Variants in CELF2 observed in about 807,000 individuals in gnomAD.
CELF2 encodes CUG triplet repeat RNA-binding protein 2.
Under a neutral mutation model 62.6 loss-of-function variants are expected in CELF2, and 8 were observed. The observed-to-expected ratio is 0.13, with a 90% confidence interval of 0.07 to 0.23. CELF2 has a LOEUF of 0.23. Ranked by LOEUF, CELF2 falls within the 10% of genes least tolerant of loss-of-function variation. CELF2 has a pLI of 1.00. For synonymous variants in CELF2, 258 were observed against 250.0 expected, an observed-to-expected ratio of 1.03 and a Z score of -0.30; for missense variants, 333 against 671.0, an observed-to-expected ratio of 0.50 and a Z score of 5.56.
the CELF2 span, among the ~76,000 whole-genome samples, chr10:10,589,193 C>T: frequency 6.6e-6 from 1 of 152,290 alleles, no homozygotes; most frequent in African/African-American, 2.4e-5. Flanking sequence ...CAAAGATTTT[C>T]CGCTGGGCAA....
At chr10:10,601,946 G>A in the CELF2 span, among the ~76,000 whole-genome samples, 1 of 151,570 alleles carries the variant, frequency 6.6e-6, no homozygotes, top group African/African-American at 2.4e-5. Flanking sequence ...GTGTCCATGT[G>A]TTCTCATTGT....
At chr10:10,536,801 G>A in the CELF2 span, among the ~76,000 whole-genome samples, 1 of 152,222 alleles carries the variant, frequency 6.6e-6, no homozygotes, top group African/African-American at 2.4e-5. Context: ...AATAATCACA[G>A]AAGACAAATG....
the CELF2 span, among the ~76,000 whole-genome samples, chr10:10,762,625 A>G: frequency 6.6e-6 from 1 of 152,184 alleles, no homozygotes; most frequent in Non-Finnish European, 1.5e-5. Context: ...ATTTGGGGGT[A>G]GTTCTCCGGT....
At chr10:10,702,932 A>C in the CELF2 span, among the ~76,000 whole-genome samples, 1 of 152,146 alleles carries the variant, frequency 6.6e-6, no homozygotes, top group Non-Finnish European at 1.5e-5. Context: ...TTCTTTATCT[A>C]AGATTTTTCC....
intron 1 of CELF2, among the ~76,000 whole-genome samples, chr10:10,803,604 A>G (rs887772817): frequency 7.9e-5 from 12 of 152,214 alleles, no homozygotes; most frequent in Non-Finnish European, 8.8e-5. Flanking sequence ...TCCCTGATGG[A>G]CTGAATCATA....
At chr10:11,262,496 T>A (rs1057151613) in intron 5 of CELF2, among the ~76,000 whole-genome samples, 2 of 152,230 alleles carry the variant, frequency 1.3e-5, no homozygotes, top group African/African-American at 4.8e-5. Context: ...CTTGACTCCT[T>A]ACTGCATTTG....
the CELF2 span, among the ~76,000 whole-genome samples, chr10:10,680,535 C>T: frequency 6.6e-6 from 1 of 152,204 alleles, no homozygotes; most frequent in Admixed American, 6.5e-5. Flanking sequence ...TATAGGCCAA[C>T]CACAGAAGCC....
chr10:10,511,778 A>T, the CELF2 span, among the ~76,000 whole-genome samples: 2 of 152,246 alleles, frequency 1.3e-5, no homozygotes, highest in African/African-American at 4.8e-5. Flanking sequence ...TAAGAATCAG[A>T]TGAATAAATA....
chr10:11,314,269 C>T lies in CELF2; in HGVS notation c.1096+11C>T. On this transcript the variant is annotated intron_variant, in intron 10 of 12. Coordinates refer to ENST00000633077, the MANE Select transcript of CELF2 (RefSeq NM_001326342.2). The surrounding 1 kb of genome is among the most constrained non-coding windows in gnomAD (Gnocchi z 5.3). ...TTAATGCACTAGCAGGTACCATCAA[C>T]AGTGAGTATTTGCTGCTCTGGTGGA... 1 of 1,614,210 alleles carries T rather than the reference C, an allele frequency of 6.2e-7. No individual in the cohort carries two copies.
the CELF2 span, among the ~76,000 whole-genome samples, chr10:10,756,624 A>G: frequency 6.6e-6 from 1 of 152,168 alleles, no homozygotes; most frequent in Non-Finnish European, 1.5e-5. Context: ...ATGCAGTTAT[A>G]TTTAAATTAA....
the CELF2 span, among the ~76,000 whole-genome samples, chr10:10,498,444 A>G: frequency 6.6e-6 from 1 of 152,216 alleles, no homozygotes; most frequent in African/African-American, 2.4e-5. Context: ...AGAGACAGCA[A>G]TTTGAGCTTG....
At chr10:11,174,967 G>A (rs552937692) in intron 2 of CELF2, among the ~76,000 whole-genome samples, 1 of 152,182 alleles carries the variant, frequency 6.6e-6, no homozygotes. Flanking sequence ...TAAACATTCT[G>A]TGTAGGGGAT....
At chr10:11,128,011 T>G (rs185525688) in intron 1 of CELF2, among the ~76,000 whole-genome samples, 2,499 of 152,332 alleles carry the variant, frequency 0.016, 64 homozygotes, top group African/African-American at 0.057. Context: ...TTTATGGTTT[T>G]GGGTCTTACA....
rs1388591980 is a variant in CELF2, at chr10:11,328,166, C to T, written c.1439-760C>T. ...CTCTTCAGATGATTAAGTTCTAAGCCGTTGACTATGTATCCCCCAGACTTT... is the reference window on the plus strand; with the variant it reads ...CTCTTCAGATGATTAAGTTCTAAGCTGTTGACTATGTATCCCCCAGACTTT... On this transcript the variant is annotated intron_variant, in intron 12 of 12. Transcript: ENST00000633077. The surrounding 1 kb of genome is among the most constrained non-coding windows in gnomAD (Gnocchi z 6.4). Among the ~76,000 whole-genome samples, 1 of 152,156 alleles carries T rather than the reference C, an allele frequency of 6.6e-6. No individual in the cohort carries two copies. The highest frequency in any genetic ancestry group is 1.5e-5 in the Non-Finnish European group (1 of 68,038).
rs1450368319 is a variant in CELF2, at chr10:11,144,552, C to A, written c.75-20934C>A. The stretch of plus-strand genomic sequence containing the variant: ...AATGTTAAATGAAGGAAAGAAACTT[C>A]AGGAACAAACTTTCAAAAACATAGA... On this transcript the variant is annotated intron_variant, in intron 1 of 12. Transcript: ENST00000633077. Among the ~76,000 whole-genome samples, 7 of 150,796 alleles carry A rather than the reference C, an allele frequency of 4.6e-5. 1 individual carries two copies. The highest frequency in any genetic ancestry group is 8.9e-5 in the Non-Finnish European group (6 of 67,794).
At chr10:10,682,914 G>A in the CELF2 span, among the ~76,000 whole-genome samples, 2 of 151,994 alleles carry the variant, frequency 1.3e-5, no homozygotes, top group African/African-American at 4.8e-5. Context: ...TTTGAGAATG[G>A]AAGCAGTCAG....
At chr10:11,228,277 T>G (rs1272741376) in intron 3 of CELF2, among the ~76,000 whole-genome samples, 1 of 152,206 alleles carries the variant, frequency 6.6e-6, no homozygotes, top group Non-Finnish European at 1.5e-5. Context: ...AGCTATTGAG[T>G]GTTTACTATG....
rs2066652532 is a variant in CELF2 at position 11,165,052 on chromosome 10, C to T, written c.75-434C>T. On this transcript the variant is annotated intron_variant, in intron 1 of 12. Coordinates refer to ENST00000633077, the MANE Select transcript of CELF2 (RefSeq NM_001326342.2). This position sits in a 1 kb window ranked among gnomAD's most constrained non-coding sequence, Gnocchi z 7.4. The stretch of plus-strand genomic sequence containing the variant: ...CCAAAAAGGGCGGTGGGGCGGGGGG[C>T]GGGGCAGGGAGAGGGAGAGAAATCC... The T allele has an allele frequency of 1.5e-5, 15 of 978,956 alleles. No individual in the cohort carries two copies. Among genetic ancestry groups the T allele is most frequent in the Admixed American group, 6.5e-5 (1 of 15,386 alleles). The allele number at this position is 978,956 out of a possible 1,614,324, so 60.6% of individuals were successfully genotyped here. A position where few individuals can be genotyped will look rare whatever the true frequency, so the allele number is the denominator to read the frequency against.
the CELF2 span, among the ~76,000 whole-genome samples, chr10:10,729,584 G>A: frequency 6.6e-6 from 1 of 152,000 alleles, no homozygotes; most frequent in Non-Finnish European, 1.5e-5. Flanking sequence ...TCCAGCCTGG[G>A]CAACAGAGCA....
Sources: allele counts gnomAD v4.1 joint callset (sites outside exome capture counted in the v4.1 genomes callset), GRCh38; gene constraint gnomAD v4.1.1; non-coding constraint Gnocchi (gnomAD v3.1); transcripts MANE v1.5; gene names NCBI Gene and HGNC (gene_info 2026-07-23, HGNC 2026-07-21).